Variants in FAM169A observed in about 807,000 individuals in gnomAD.
The protein encoded by FAM169A is family with sequence similarity 169 member A, also known as soluble lamin-associated protein of 75 kDa.
Under a neutral mutation model 75.7 loss-of-function variants are expected in FAM169A, and 24 were observed. The observed-to-expected ratio is 0.32, with a 90% confidence interval of 0.23 to 0.45. The LOEUF (loss-of-function observed/expected upper bound fraction) is 0.45. FAM169A is among the 20% of genes least tolerant of loss of function. The pLI is 1.00. For synonymous variants in FAM169A, 271 were observed against 271.0 expected, an observed-to-expected ratio of 1.00 and a Z score of 0.00; for missense variants, 673 against 784.0, an observed-to-expected ratio of 0.86 and a Z score of 1.69.
intron 1 of FAM169A, chr5:74,848,816 G>A (rs534731033): frequency 2.2e-4 from 33 of 152,228 alleles, no homozygotes; most frequent in East Asian, 7.7e-4. Flanking sequence ...GAGAGGCAGC[G>A]GAAGGGTGGT....
At chr5:74,862,875 A>T (rs910034314) in intron 1 of FAM169A, among the ~76,000 whole-genome samples, 2 of 152,212 alleles carry the variant, frequency 1.3e-5, no homozygotes, top group African/African-American at 4.8e-5. Context: ...ATACTTCACT[A>T]AACTATAGAC....
intron 1 of FAM169A, among the ~76,000 whole-genome samples, chr5:74,848,041 T>C (rs1476019370): frequency 6.6e-6 from 1 of 152,052 alleles, no homozygotes; most frequent in African/African-American, 2.4e-5. Flanking sequence ...AACTGGAAAA[T>C]ACTTCCCTAA....
At chr5:74,841,416 G>T in intron 2 of FAM169A, 129 bp downstream of exon 2, 1 of 676,770 alleles carries the variant, frequency 1.5e-6, no homozygotes, top group Non-Finnish European at 2.3e-6. Context: ...CCATTTTACT[G>T]AATAGATTTC....
chr5:74,857,568 G>A (rs1277048734), intron 1 of FAM169A, among the ~76,000 whole-genome samples: 26 of 80,516 alleles, frequency 3.2e-4, no homozygotes, highest in Non-Finnish European at 5.1e-4. Flanking sequence ...AGACCTTGCC[G>A]CGGGAAAAAA....
At chr5:74,828,409 G>A (rs1748143746) in intron 5 of FAM169A, among the ~76,000 whole-genome samples, 1 of 152,054 alleles carries the variant, frequency 6.6e-6, no homozygotes, top group African/African-American at 2.4e-5. Context: ...CAAGATAAAG[G>A]TTAGATGAAA....
intron 8 of FAM169A, among the ~76,000 whole-genome samples, chr5:74,803,779 A>C (rs1746710948): frequency 6.6e-6 from 1 of 152,196 alleles, no homozygotes; most frequent in South Asian, 2.1e-4. Context: ...TGCAAAGTGC[A>C]TTACATTCTA....
At chr5:74,850,515 T>C (rs1311126136) in intron 1 of FAM169A, among the ~76,000 whole-genome samples, 1 of 152,178 alleles carries the variant, frequency 6.6e-6, no homozygotes, top group East Asian at 1.9e-4. Flanking sequence ...TTGCAAAGGA[T>C]TTTGAGAGTG....
At chr5:74,795,254 G>A (rs956470620) in intron 11 of FAM169A, among the ~76,000 whole-genome samples, 11 of 152,042 alleles carry the variant, frequency 7.2e-5, no homozygotes, top group Admixed American at 2.6e-4. Context: ...GCAAAACTCC[G>A]TCTCAAAAAG....
intron 1 of FAM169A, among the ~76,000 whole-genome samples, chr5:74,860,827 TA>T (rs11293001): frequency 0.17 from 12,228 of 71,654 alleles, 1,224 homozygotes; most frequent in African/African-American, 0.39. Context: ...AATGTAGCAC[TA>T]AAAAAAAAAA....
At chr5:74,857,642 A>G (rs1749794962) in intron 1 of FAM169A, among the ~76,000 whole-genome samples, 1 of 151,044 alleles carries the variant, frequency 6.6e-6, no homozygotes, top group African/African-American at 2.4e-5. Flanking sequence ...TATGCTGATG[A>G]AAAGTTTAGA....
At chr5:74,854,193 A>G (rs566225348) in intron 1 of FAM169A, among the ~76,000 whole-genome samples, 1 of 152,246 alleles carries the variant, frequency 6.6e-6, no homozygotes, top group East Asian at 1.9e-4. Context: ...TAGGAGTTCA[A>G]AACCAGCTTG....
intron 8 of FAM169A, among the ~76,000 whole-genome samples, chr5:74,803,246 G>C (rs896966777): frequency 6.6e-6 from 1 of 152,000 alleles, no homozygotes; most frequent in Non-Finnish European, 1.5e-5. Flanking sequence ...AGGAAGAGTA[G>C]ATTTTCTACT....
intron 1 of FAM169A, among the ~76,000 whole-genome samples, chr5:74,842,471 G>A (rs543069443): frequency 5.0e-5 from 7 of 140,458 alleles, no homozygotes; most frequent in Non-Finnish European, 9.1e-5. Flanking sequence ...TGAATTGTAC[G>A]GTTTGCAATA....
At chr5:74,822,293 A>G (rs2112607360) in intron 5 of FAM169A, among the ~76,000 whole-genome samples, 1 of 152,344 alleles carries the variant, frequency 6.6e-6, no homozygotes, top group South Asian at 2.1e-4. Context: ...GCAAAGTCAC[A>G]GGCATCATCT....
intron 5 of FAM169A, 49 bp from the exon 6 acceptor site, chr5:74,814,068 T>C (rs779235340): frequency 2.9e-6 from 4 of 1,392,798 alleles, no homozygotes; most frequent in East Asian, 2.5e-5. Context: ...TTAAAAAATA[T>C]ACATACATTT....
Position 74,798,934 on chromosome 5 carries a change from T to C in FAM169A, c.1103+1946A>G, listed in dbSNP as rs191605601. ...TGCCCAGAGTCCGTAAATCCTCTGC[T>C]CCAAGACCGTCCGGACTGCCCCGAC... On this transcript the variant is annotated intron_variant, in intron 10 of 12. Transcript: ENST00000687041. 2.2e-3 allele frequency: 1,724 copies of C among 794,526 alleles called. 7 individuals carry two copies. The highest frequency in any genetic ancestry group is 0.01 in the Middle Eastern group (27 of 2,606). The allele number at this position is 794,526 out of a possible 1,614,324, so 49.2% of individuals were successfully genotyped here.
chr5:74,841,753 T>G, intron 1 of FAM169A, 74 bp from the exon 2 acceptor site: 3 of 1,292,392 alleles, frequency 2.3e-6, no homozygotes, highest in Non-Finnish European at 3.2e-6. Flanking sequence ...AAAATAAATT[T>G]TACTACAATG....
rs532053339 is a variant in FAM169A at position 74,794,546 on chromosome 5, G to T, written c.1260+1484C>A. ...AGCCTGGCAAACATGGTGAAACCCCGTCTTGGCGGATCACAAGGTCAGGAG... is the reference window on the plus strand; with the variant it reads ...AGCCTGGCAAACATGGTGAAACCCCTTCTTGGCGGATCACAAGGTCAGGAG... On this transcript the variant is annotated intron_variant, in intron 11 of 12. Coordinates refer to ENST00000687041, the MANE Select transcript of FAM169A (RefSeq NM_001376049.1). 5.9e-5 allele frequency among the ~76,000 whole-genome samples: 9 copies of T among 151,426 alleles called. No individual in the cohort carries two copies. In the East Asian group the frequency reaches 1.8e-3, roughly 30 times the overall value.
intron 10 of FAM169A, chr5:74,799,051 C>T (rs1746425823): frequency 6.7e-6 from 7 of 1,043,852 alleles, no homozygotes; most frequent in Non-Finnish European, 1.1e-5. Context: ...AAACAGGGAT[C>T]GTACCCAGAT....
Sources: gnomAD v4.1 joint callset for allele counts (sites outside exome capture counted in the v4.1 genomes callset) on GRCh38, gnomAD v4.1.1 for gene constraint, MANE v1.5 for transcripts, NCBI Gene and HGNC (gene_info 2026-07-23, HGNC 2026-07-21) for gene names.